Variants in CRADD observed in about 807,000 individuals in gnomAD.
CRADD encodes death domain-containing protein CRADD.
CRADD carries 9 observed loss-of-function variants against 15.5 expected under a neutral mutation model. The observed-to-expected ratio is 0.58, with a 90% CI of 0.35 to 1.01. CRADD has a LOEUF of 1.01. Among genes scored for constraint, CRADD ranks in the 50% least tolerant of loss-of-function variants. The probability of loss-of-function intolerance (pLI) is 0.02; values close to 1 mark genes in which losing one functional copy is unlikely to be tolerated. For missense variants in CRADD, 227 were observed against 250.3 expected (o/e 0.91, Z 0.63); for synonymous variants, 118 against 107.6 (o/e 1.10, Z -0.60).
chr12:93,851,742 C>G (rs185934381), downstream of CRADD, among the ~76,000 whole-genome samples: 17 of 152,292 alleles, frequency 1.1e-4, no homozygotes, highest in East Asian at 3.3e-3. Flanking sequence ...TGTGATCTAT[C>G]CTTCTTAATA....
intron 2 of CRADD, among the ~76,000 whole-genome samples, chr12:93,820,796 A>G (rs896139801): frequency 2.0e-5 from 3 of 152,150 alleles, no homozygotes; most frequent in African/African-American, 7.2e-5. Flanking sequence ...TATCACCCCC[A>G]TGCCCAGTCC....
chr12:93,688,332 G>A (rs963117051), intron 2 of CRADD, among the ~76,000 whole-genome samples: 16 of 152,012 alleles, frequency 1.1e-4, no homozygotes, highest in Non-Finnish European at 1.6e-4. Flanking sequence ...GCAAAACCCC[G>A]TTTCTACTAA....
intron 2 of CRADD, among the ~76,000 whole-genome samples, chr12:93,875,276 A>G (rs1958450278): frequency 6.6e-6 from 1 of 151,692 alleles, no homozygotes; most frequent in Non-Finnish European, 1.5e-5. Flanking sequence ...TTTTATTTTC[A>G]GTCTATGTGT....
At chr12:93,756,231 G>A (rs746263231) in intron 2 of CRADD, among the ~76,000 whole-genome samples, 7 of 152,054 alleles carry the variant, frequency 4.6e-5, no homozygotes, top group Admixed American at 1.3e-4. Flanking sequence ...TCTCTTTTTT[G>A]TTCACCAATA....
chr12:93,742,142 C>T (rs554950416), intron 2 of CRADD, among the ~76,000 whole-genome samples: 27 of 152,298 alleles, frequency 1.8e-4, no homozygotes, highest in African/African-American at 6.3e-4. Flanking sequence ...AAATGAAGTT[C>T]CCGAGCAGCA....
intron 2 of CRADD, among the ~76,000 whole-genome samples, chr12:93,889,436 A>G (rs1346497909): frequency 6.6e-6 from 1 of 152,148 alleles, no homozygotes; most frequent in Non-Finnish European, 1.5e-5. Flanking sequence ...ATAGACAATC[A>G]TGACAGGACT....
chr12:93,808,077 C>A (rs1258240079), intron 2 of CRADD, among the ~76,000 whole-genome samples: 2 of 150,164 alleles, frequency 1.3e-5, no homozygotes, highest in Non-Finnish European at 3.0e-5. Context: ...GGGAGGCCCC[C>A]ATTCAGTGGG....
intron 2 of CRADD, among the ~76,000 whole-genome samples, chr12:93,834,220 T>C (rs1957948994): frequency 6.6e-6 from 1 of 152,220 alleles, no homozygotes; most frequent in South Asian, 2.1e-4. Flanking sequence ...TTTTTAACCA[T>C]AGATTACTTA....
intron 2 of CRADD, among the ~76,000 whole-genome samples, chr12:93,710,069 G>C (rs535495551): frequency 6.6e-6 from 1 of 152,142 alleles, no homozygotes; most frequent in African/African-American, 2.4e-5. Context: ...TCACAATTTG[G>C]TGTGTTGGCT....
chr12:93,890,484 T>G (rs1000111325), intron 2 of CRADD, among the ~76,000 whole-genome samples: 2 of 152,204 alleles, frequency 1.3e-5, no homozygotes, highest in African/African-American at 4.8e-5. Flanking sequence ...TTGTTTGAGC[T>G]CAATAAGACA....
At chr12:93,784,651 G>A (rs373111663) in intron 2 of CRADD, among the ~76,000 whole-genome samples, 36 of 152,116 alleles carry the variant, frequency 2.4e-4, no homozygotes, top group African/African-American at 7.2e-4. Flanking sequence ...TCAAGCAGAA[G>A]AGATGGAGAG....
At chr12:93,892,450 G>C (rs1288435140) in intron 2 of CRADD, among the ~76,000 whole-genome samples, 1 of 152,214 alleles carries the variant, frequency 6.6e-6, no homozygotes, top group African/African-American at 2.4e-5. Flanking sequence ...GGATTACGTT[G>C]TGATTGCAAC....
At chr12:93,697,366 C>T (rs1018700184) in intron 2 of CRADD, among the ~76,000 whole-genome samples, 1 of 152,208 alleles carries the variant, frequency 6.6e-6, no homozygotes, top group African/African-American at 2.4e-5. Context: ...TCTTCTGCCA[C>T]GTGAAGATGC....
chr12:93,813,951 G>T (rs1957659550), intron 2 of CRADD, among the ~76,000 whole-genome samples: 1 of 152,116 alleles, frequency 6.6e-6, no homozygotes, highest in Non-Finnish European at 1.5e-5. Context: ...GAGTGCCACA[G>T]AGCAGAAATT....
chr12:93,751,631 G>A (rs1473010371), intron 2 of CRADD, among the ~76,000 whole-genome samples: 1 of 152,180 alleles, frequency 6.6e-6, no homozygotes, highest in Non-Finnish European at 1.5e-5. Context: ...TTGGAAGGCG[G>A]AGGCAGGCGG....
At chr12:93,846,974 G>A (rs747437237) in intron 2 of CRADD, among the ~76,000 whole-genome samples, 29 of 152,106 alleles carry the variant, frequency 1.9e-4, no homozygotes, top group Non-Finnish European at 4.3e-4. Flanking sequence ...ATGGTAGTAG[G>A]CACCTGTAGT....
intron 2 of CRADD, among the ~76,000 whole-genome samples, chr12:93,774,000 A>ATTTTTTTTTT (rs112039885): frequency 7.6e-6 from 1 of 131,832 alleles, no homozygotes. Context: ...CACCTGGCTA[A>ATTTTTTTTTT]TTTTTTTTTT....
At chr12:93,894,483 G>C (rs1473424492) in exon 3 of CRADD, 1 of 225,002 alleles carries the variant, frequency 4.4e-6, no homozygotes, top group Non-Finnish European at 9.0e-6. Context: ...CCCAGCAACA[G>C]GCTTGGCCTC....
At chr12:93,685,444 G>A (rs7298848) in intron 2 of CRADD, among the ~76,000 whole-genome samples, 55,261 of 151,908 alleles carry the variant, frequency 0.36, 10,229 homozygotes, top group East Asian at 0.49. Context: ...AATATTCCCA[G>A]CACAAAGAAA....
Sources: allele counts gnomAD v4.1 joint callset (sites outside exome capture counted in the v4.1 genomes callset), GRCh38; gene constraint gnomAD v4.1.1; transcripts MANE v1.5; gene names NCBI Gene and HGNC (gene_info 2026-07-23, HGNC 2026-07-21).